The following RAPGEF4 variants were observed in gnomAD, a reference collection of about 807,000 sequenced individuals.
RAPGEF4 encodes Rap guanine nucleotide exchange factor 4, also known as RAP guanine-nucleotide-exchange factor (GEF) 4.
RAPGEF4 carries 66 observed loss-of-function variants against 147.9 expected under a neutral mutation model. The observed-to-expected ratio is 0.45, with a 90% CI of 0.37 to 0.55. The LOEUF (loss-of-function observed/expected upper bound fraction) is 0.55, where lower values mean the gene tolerates loss of function less well. Among genes scored for constraint, RAPGEF4 ranks in the 20% least tolerant of loss-of-function variants. The pLI is 0.00. For synonymous variants in RAPGEF4, 419 were observed against 442.7 expected (o/e 0.95, Z 0.67); for missense variants, 1,071 against 1,257.3 (o/e 0.85, Z 2.24).
chr2:172,838,072 C>T (rs1225146187), intron 4 of RAPGEF4, among the ~76,000 whole-genome samples: 1 of 152,098 alleles, frequency 6.6e-6, no homozygotes, highest in Non-Finnish European at 1.5e-5. Context: ...TCTTAGAATA[C>T]CAGAAGAATA....
At chr2:172,996,433 G>T in intron 15 of RAPGEF4, 33 bp from the exon 16 acceptor site, 1 of 1,341,246 alleles carries the variant, frequency 7.5e-7, no homozygotes, top group Non-Finnish European at 1.0e-6. Flanking sequence ...GCCCACTTTT[G>T]AAAAATTAAT....
At chr2:172,995,245 TTGTG>T (rs71018528) in intron 15 of RAPGEF4, among the ~76,000 whole-genome samples, 9,560 of 138,500 alleles carry the variant, frequency 0.069, 352 homozygotes, top group African/African-American at 0.11. Flanking sequence ...ACTTGCCTGT[TTGTG>T]TGTGTGTGTG....
chr2:173,029,442 G>GT (rs2105968062), intron 25 of RAPGEF4, among the ~76,000 whole-genome samples: 1 of 152,290 alleles, frequency 6.6e-6, no homozygotes, highest in African/African-American at 2.4e-5. Context: ...AAGTACCTGT[G>GT]TTAAACATCA....
chr2:172,995,395 T>G lies in RAPGEF4; in HGVS notation c.1491-1071T>G, dbSNP rs538404089. Among the ~76,000 whole-genome samples, 22 of 152,092 alleles carry G rather than the reference T, an allele frequency of 1.4e-4. 1 individual carries two copies. The East Asian group carries it at 4.3e-3, about 29-fold the overall frequency. On this transcript the variant is annotated intron_variant, in intron 15 of 30. Coordinates refer to ENST00000397081, the MANE Select transcript of RAPGEF4 (RefSeq NM_007023.4). The stretch of plus-strand genomic sequence containing the variant: ...CCCGGGTTCAAGCAATTCTCCTGCC[T>G]CAGCCTCCTAACTAGCTGGGACTAC...
intron 5 of RAPGEF4, among the ~76,000 whole-genome samples, 199 bp from the exon 6 acceptor site, chr2:172,922,082 C>A (rs79082793): frequency 6.6e-6 from 1 of 152,260 alleles, no homozygotes; most frequent in African/African-American, 2.4e-5. Flanking sequence ...GGCACATGGC[C>A]CTGCTCCTGA....
intron 1 of RAPGEF4, among the ~76,000 whole-genome samples, chr2:172,753,716 A>T (rs1458425815): frequency 6.6e-6 from 1 of 151,998 alleles, no homozygotes; most frequent in Admixed American, 6.5e-5. Flanking sequence ...TTTTTTTTTA[A>T]AGCTTACTAA....
intron 1 of RAPGEF4, among the ~76,000 whole-genome samples, chr2:172,765,851 A>C (rs1025822507): frequency 2.6e-5 from 4 of 152,328 alleles, no homozygotes; most frequent in African/African-American, 9.6e-5. Flanking sequence ...GGGTGTGTGC[A>C]GAGAATCTGC....
At chr2:172,843,945 G>T (rs571442951) in intron 4 of RAPGEF4, among the ~76,000 whole-genome samples, 2 of 152,134 alleles carry the variant, frequency 1.3e-5, no homozygotes, top group Admixed American at 1.3e-4. Flanking sequence ...TTCTTTTTCT[G>T]GTTGGCTATC....
chr2:172,957,417 A>G (rs1376909934), intron 6 of RAPGEF4, among the ~76,000 whole-genome samples: 1 of 152,252 alleles, frequency 6.6e-6, no homozygotes, highest in Non-Finnish European at 1.5e-5. Flanking sequence ...ATAAAGTTAC[A>G]CTTGTAATGC....
At chr2:172,877,454 A>G (rs748032486) in intron 4 of RAPGEF4, among the ~76,000 whole-genome samples, 15 of 152,004 alleles carry the variant, frequency 9.9e-5, no homozygotes, top group Non-Finnish European at 1.8e-4. Flanking sequence ...CACCATGCAT[A>G]CAAACCACCA....
chr2:172,790,459 T>C (rs897857446), intron 1 of RAPGEF4, among the ~76,000 whole-genome samples: 2 of 152,196 alleles, frequency 1.3e-5, no homozygotes, highest in African/African-American at 4.8e-5. Context: ...TTGGAGCTTT[T>C]GCTTGGGGAC....
rs1686325066 is a variant in RAPGEF4 at position 173,052,323 on chromosome 2, G to A, written c.*556G>A. On this transcript the variant is annotated 3_prime_UTR_variant, in exon 31 of 31. Coordinates refer to ENST00000397081, the MANE Select transcript of RAPGEF4 (RefSeq NM_007023.4). ...CACATTATTATGAAACATTATGGCT[G>A]TTTATGTAATTTAGGGAGGACTGGT... The A allele has an allele frequency of 6.6e-6, 1 of 152,546 alleles. No individual in the cohort carries two copies. Among genetic ancestry groups the A allele is most frequent in the African/African-American group, 2.4e-5 (1 of 41,392 alleles). The allele number at this position is 152,546 out of a possible 1,614,324, so 9.4% of individuals were successfully genotyped here. A position where few individuals can be genotyped will look rare whatever the true frequency, so the allele number is the denominator to read the frequency against.
intron 4 of RAPGEF4, among the ~76,000 whole-genome samples, chr2:172,859,423 T>C (rs568732079): frequency 6.6e-6 from 1 of 152,368 alleles, no homozygotes; most frequent in East Asian, 1.9e-4. Flanking sequence ...TTTAAACATG[T>C]TTTAAAGAAA....
rs1388201393 is a variant in RAPGEF4, at chr2:172,902,760, C to CA, written c.445-15042_445-15041insA. ...TGGGTGAGACTCATAAGAACATACC[C>CA]TGCAGAGAAAACAGAGTTGAGATTT... is the stretch of plus-strand genomic sequence containing the variant. On this transcript the variant is annotated intron_variant, in intron 4 of 30. Transcript: ENST00000397081. 2.6e-5 allele frequency among the ~76,000 whole-genome samples: 4 copies of CA among 152,248 alleles called. No individual in the cohort carries two copies. In the South Asian group the frequency reaches 8.3e-4, roughly 32 times the overall value.
intron 1 of RAPGEF4, among the ~76,000 whole-genome samples, chr2:172,766,413 A>G (rs990445638): frequency 6.6e-6 from 1 of 152,130 alleles, no homozygotes; most frequent in Non-Finnish European, 1.5e-5. Flanking sequence ...TTAGCCGGGC[A>G]TGCTGGCACG....
chr2:172,931,188 T>TGGGGGGGGGGGGGGGG (rs1575283791), intron 6 of RAPGEF4, among the ~76,000 whole-genome samples: 1 of 1,514 alleles, frequency 6.6e-4, no homozygotes, highest in African/African-American at 1.7e-3. Flanking sequence ...GGGGGGGCGC[T>TGGGGGGGGGGGGGGGG]GGGGGGCGGG....
intron 1 of RAPGEF4, among the ~76,000 whole-genome samples, chr2:172,759,127 TG>T (rs1696059340): frequency 6.6e-6 from 1 of 152,212 alleles, no homozygotes; most frequent in African/African-American, 2.4e-5. Context: ...GACCAAAATC[TG>T]GGGTTGCATT....
intron 1 of RAPGEF4, among the ~76,000 whole-genome samples, chr2:172,781,065 G>T (rs532091376): frequency 6.6e-6 from 1 of 152,202 alleles, no homozygotes; most frequent in South Asian, 2.1e-4. Context: ...ACTCAATTGT[G>T]CATTGAAACT....
chr2:172,843,281 T>C (rs1691819143), intron 4 of RAPGEF4, among the ~76,000 whole-genome samples: 1 of 152,174 alleles, frequency 6.6e-6, no homozygotes, highest in Non-Finnish European at 1.5e-5. Context: ...AGGACAGTGA[T>C]AATGTCACTG....
Sources: allele counts gnomAD v4.1 joint callset (sites outside exome capture counted in the v4.1 genomes callset), GRCh38; gene constraint gnomAD v4.1.1; transcripts MANE v1.5; gene names NCBI Gene and HGNC (gene_info 2026-07-23, HGNC 2026-07-21).